Variants in AGBL1 observed in about 807,000 individuals in gnomAD.
AGBL1 encodes the protein AGBL carboxypeptidase 1.
A neutral mutation model predicts 118.9 loss-of-function variants in AGBL1; 130 were observed. The ratio of observed to expected loss-of-function variants is 1.09; its 90% CI spans 0.95 to 1.26. The LOEUF (loss-of-function observed/expected upper bound fraction) is 1.26. Among genes scored for constraint, AGBL1 ranks in the 50% most tolerant of loss-of-function variants. The pLI is 0.00. For synonymous variants in AGBL1, 555 were observed against 478.9 expected (o/e 1.16, Z -2.08); for missense variants, 1,584 against 1,298.1 (o/e 1.22, Z -3.38).
intron 24 of AGBL1, among the ~76,000 whole-genome samples, chr15:87,010,378 CCTCT>C (rs1457744550): frequency 6.6e-6 from 1 of 152,168 alleles, no homozygotes; most frequent in Non-Finnish European, 1.5e-5. Flanking sequence ...ATCCGTTAAA[CCTCT>C]CTCTTTTGTG....
At chr15:86,971,434 C>A (rs1185664171) in intron 23 of AGBL1, among the ~76,000 whole-genome samples, 1 of 151,894 alleles carries the variant, frequency 6.6e-6, no homozygotes, top group Non-Finnish European at 1.5e-5. Context: ...TAAAGGTTAC[C>A]AGTTGATATT....
intron 17 of AGBL1, among the ~76,000 whole-genome samples, chr15:86,333,028 T>C (rs768471700): frequency 4.6e-5 from 7 of 152,202 alleles, no homozygotes; most frequent in Non-Finnish European, 1.0e-4. Flanking sequence ...ATCTTTGGTA[T>C]ATAGCAAAAG....
intron 22 of AGBL1, among the ~76,000 whole-genome samples, chr15:86,903,564 T>C (rs1023479676): frequency 1.1e-4 from 17 of 152,222 alleles, no homozygotes; most frequent in Non-Finnish European, 1.5e-5. Flanking sequence ...GATTTTCTGT[T>C]GAAACTTGGG....
At chr15:86,712,445 T>A (rs946380924) in intron 22 of AGBL1, among the ~76,000 whole-genome samples, 18 of 151,970 alleles carry the variant, frequency 1.2e-4, no homozygotes, top group African/African-American at 4.4e-4. Flanking sequence ...GAATAAACAC[T>A]GAGAGATTAG....
chr15:86,159,114 G>T, intron 5 of AGBL1, 88 bp downstream of exon 5: 1 of 1,252,632 alleles, frequency 8.0e-7, no homozygotes, highest in South Asian at 1.2e-5. Flanking sequence ...GATGCTTCCA[G>T]CTCAGTTTAG....
rs1727397044 is a variant in AGBL1, at chr15:86,613,680, G to A, written c.2994+59143G>A. ...AGAAAGAGGGCATTTTCTATTGAGG[G>A]ATGAAAACAAATGTTGGTTAAAGCC... On this transcript the variant is annotated intron_variant, in intron 21 of 22. Transcript: ENST00000614907. This position sits in a 1 kb window ranked among gnomAD's most constrained non-coding sequence, Gnocchi z 4.2. Among the ~76,000 whole-genome samples the A allele has an allele frequency of 6.6e-6, 1 of 152,150 alleles. No individual in the cohort carries two copies. Among genetic ancestry groups the A allele is most frequent in the African/African-American group, 2.4e-5 (1 of 41,436 alleles).
At chr15:86,633,784 G>GTA (rs371259520) in intron 21 of AGBL1, among the ~76,000 whole-genome samples, 9 of 107,500 alleles carry the variant, frequency 8.4e-5, no homozygotes, top group East Asian at 2.6e-4. Flanking sequence ...TTATGTGTGT[G>GTA]TATATATATA....
At chr15:86,434,801 G>GTAGTATGCAAAGCTTGAT (rs2081980517) in intron 18 of AGBL1, among the ~76,000 whole-genome samples, 1 of 152,174 alleles carries the variant, frequency 6.6e-6, no homozygotes, top group Non-Finnish European at 1.5e-5. Context: ...CTCATGCAGG[G>GTAGTATGCAAAGCTTGAT]TAGTATGCAA....
chr15:87,023,082 G>C (rs2081684650), intron 24 of AGBL1, among the ~76,000 whole-genome samples: 1 of 151,926 alleles, frequency 6.6e-6, no homozygotes, highest in East Asian at 1.9e-4. Flanking sequence ...AAAAAACCAA[G>C]GTACACAGGC....
At chr15:86,563,901 C>G (rs2083871078) in intron 21 of AGBL1, among the ~76,000 whole-genome samples, 1 of 152,112 alleles carries the variant, frequency 6.6e-6, no homozygotes, top group South Asian at 2.1e-4. Flanking sequence ...TTCTTTGTCT[C>G]TTTTGATCTT....
At chr15:86,298,077 G>C (rs907472815) in intron 17 of AGBL1, among the ~76,000 whole-genome samples, 19 of 151,518 alleles carry the variant, frequency 1.3e-4, no homozygotes, top group African/African-American at 4.6e-4. Flanking sequence ...GAATGCTTCA[G>C]ATACTGTGGC....
At chr15:86,725,790 T>A (rs2086809572) in intron 22 of AGBL1, among the ~76,000 whole-genome samples, 1 of 152,206 alleles carries the variant, frequency 6.6e-6, no homozygotes, top group Admixed American at 6.5e-5. Context: ...GTGTTATCAT[T>A]CTGGATGAAT....
chr15:86,665,460 G>A (rs531254880), intron 21 of AGBL1, among the ~76,000 whole-genome samples: 3 of 152,230 alleles, frequency 2.0e-5, no homozygotes, highest in South Asian at 4.1e-4. Context: ...ACGATGAGAA[G>A]AGAATCATAG....
chr15:86,945,844 C>T (rs2080814095), intron 23 of AGBL1, among the ~76,000 whole-genome samples: 1 of 152,080 alleles, frequency 6.6e-6, no homozygotes, highest in Admixed American at 6.6e-5. Flanking sequence ...ACTTTTGGAC[C>T]TCACCAAAGT....
chr15:86,960,539 T>C (rs779451558), intron 23 of AGBL1, among the ~76,000 whole-genome samples: 19 of 152,078 alleles, frequency 1.2e-4, no homozygotes, highest in Non-Finnish European at 2.4e-4. Context: ...GGTAAGGATG[T>C]AAATTAGTAC....
chr15:86,417,714 C>T (rs2081715732), intron 18 of AGBL1, among the ~76,000 whole-genome samples: 1 of 152,080 alleles, frequency 6.6e-6, no homozygotes, highest in African/African-American at 2.4e-5. Context: ...AGTGTGTGTG[C>T]AGTAGAAGCA....
chr15:86,876,558 G>A (rs2079811610), intron 22 of AGBL1, among the ~76,000 whole-genome samples: 1 of 152,196 alleles, frequency 6.6e-6, no homozygotes, highest in Non-Finnish European at 1.5e-5. Context: ...TTAGTCTGTG[G>A]CTGACCAGCC....
chr15:86,702,130 G>A (rs2086371015), intron 22 of AGBL1, among the ~76,000 whole-genome samples: 1 of 151,922 alleles, frequency 6.6e-6, no homozygotes, highest in Non-Finnish European at 1.5e-5. Flanking sequence ...TTAAACAAAT[G>A]TAAATATCAG....
intron 24 of AGBL1, among the ~76,000 whole-genome samples, chr15:87,013,535 T>G (rs76378625): frequency 8.2e-5 from 1 of 12,226 alleles, no homozygotes; most frequent in South Asian, 0.045. Flanking sequence ...TTTGAATAGT[T>G]TTTTTTTTTT....
Sources: allele counts gnomAD v4.1 joint callset (sites outside exome capture counted in the v4.1 genomes callset), GRCh38; gene constraint gnomAD v4.1.1; non-coding constraint Gnocchi (gnomAD v3.1); transcripts MANE v1.5; gene names NCBI Gene and HGNC (gene_info 2026-07-23, HGNC 2026-07-21).